Variants in METTL15 observed in about 807,000 individuals in gnomAD.
METTL15 encodes methyltransferase 15, mitochondrial 12S rRNA N4-cytidine, also known as 12S rRNA N(4)-cytidine methyltransferase METTL15.
A neutral mutation model predicts 38.3 loss-of-function variants in METTL15; 34 were observed. The ratio of observed to expected loss-of-function variants is 0.89; its 90% confidence interval spans 0.68 to 1.18. METTL15 has a LOEUF of 1.18. Ranked by LOEUF, METTL15 falls within the 50% of genes most tolerant of loss-of-function variation. The pLI is 0.00. For synonymous variants in METTL15, 162 were observed against 170.9 expected (o/e 0.95, Z 0.41); for missense variants, 438 against 498.4 (o/e 0.88, Z 1.15).
chr11:28,122,363 GTGTGTGTGTATA>G (rs1311869191), intron 3 of METTL15, among the ~76,000 whole-genome samples: 1,145 of 67,844 alleles, frequency 0.017, 21 homozygotes, highest in African/African-American at 0.11. Context: ...GTGTGTGTGT[GTGTGTGTGTATA>G]TATATATATA....
intron 5 of METTL15, among the ~76,000 whole-genome samples, chr11:28,368,153 A>C (rs1234827575): frequency 1.8e-5 from 2 of 114,168 alleles, no homozygotes; most frequent in Admixed American, 7.7e-5. Context: ...CAAAAAAAAC[A>C]AAAAAAAAAA....
chr11:28,293,057 T>C (rs1420776281), intron 5 of METTL15, among the ~76,000 whole-genome samples: 1 of 152,200 alleles, frequency 6.6e-6, no homozygotes, highest in African/African-American at 2.4e-5. Flanking sequence ...CTCTTTAGTT[T>C]AATTAGATCC....
At chr11:28,459,096 T>C (rs139134197) in intron 6 of METTL15, among the ~76,000 whole-genome samples, 28 of 152,302 alleles carry the variant, frequency 1.8e-4, no homozygotes, top group Admixed American at 3.3e-4. Flanking sequence ...TGTACCCTTA[T>C]ATCCTGACAT....
intron 6 of METTL15, among the ~76,000 whole-genome samples, chr11:28,316,760 G>A (rs149353957): frequency 1.4e-3 from 210 of 152,232 alleles, no homozygotes; most frequent in African/African-American, 4.6e-3. Context: ...CTGATAGTGA[G>A]TGGATCTCAT....
chr11:28,492,426 T>TG (rs941062460), intron 6 of METTL15, among the ~76,000 whole-genome samples: 10 of 151,948 alleles, frequency 6.6e-5, no homozygotes, highest in African/African-American at 2.4e-4. Flanking sequence ...TCAGGTCCTG[T>TG]GGGGGGTGGT....
At chr11:28,161,535 G>A (rs1274790969) in intron 3 of METTL15, among the ~76,000 whole-genome samples, 2 of 152,080 alleles carry the variant, frequency 1.3e-5, no homozygotes, top group Non-Finnish European at 2.9e-5. Context: ...ATTAGTTTTT[G>A]ATTTAAGCAA....
At chr11:28,421,255 C>G (rs952637257) in intron 5 of METTL15, among the ~76,000 whole-genome samples, 1 of 151,840 alleles carries the variant, frequency 6.6e-6, no homozygotes, top group African/African-American at 2.4e-5. Flanking sequence ...TAGGTCTTGG[C>G]GGATTCACTG....
intron 5 of METTL15, among the ~76,000 whole-genome samples, chr11:28,362,566 T>G (rs1850149075): frequency 6.6e-6 from 1 of 152,318 alleles, no homozygotes; most frequent in South Asian, 2.1e-4. Context: ...TAGCTCCCAC[T>G]TATAAGTGAC....
At chr11:28,373,744 C>T (rs1329887374) in intron 5 of METTL15, among the ~76,000 whole-genome samples, 1 of 152,020 alleles carries the variant, frequency 6.6e-6, no homozygotes, top group Admixed American at 6.6e-5. Context: ...CTTGCCCGTG[C>T]CTATGTCCTG....
intron 3 of METTL15, among the ~76,000 whole-genome samples, chr11:28,351,500 C>T (rs1850041369): frequency 6.6e-6 from 1 of 152,180 alleles, no homozygotes; most frequent in Non-Finnish European, 1.5e-5. Flanking sequence ...CTCCCTGCCC[C>T]ACATGTCTAT....
chr11:28,167,525 C>T (rs1253620709), intron 3 of METTL15, among the ~76,000 whole-genome samples: 2 of 151,786 alleles, frequency 1.3e-5, no homozygotes, highest in African/African-American at 4.8e-5. Flanking sequence ...TTTAACTGTC[C>T]CTGAGTCTTA....
At chr11:28,183,357 C>G (rs1851367512) in intron 3 of METTL15, among the ~76,000 whole-genome samples, 1 of 152,064 alleles carries the variant, frequency 6.6e-6, no homozygotes, top group South Asian at 2.1e-4. Context: ...GGAATGCTTA[C>G]AGTTTTTGCC....
At chr11:28,224,126 AC>A (rs1853370867) in intron 4 of METTL15, among the ~76,000 whole-genome samples, 1 of 151,988 alleles carries the variant, frequency 6.6e-6, no homozygotes, top group African/African-American at 2.4e-5. Flanking sequence ...CCATAATTTT[AC>A]CACTTTAGGT....
intron 6 of METTL15, among the ~76,000 whole-genome samples, chr11:28,464,181 A>G (rs1263547027): frequency 1.3e-5 from 2 of 152,188 alleles, no homozygotes; most frequent in East Asian, 3.9e-4. Flanking sequence ...CACTATCATC[A>G]TGTGTTTACA....
At chr11:28,222,878 A>C (rs1180288451) in intron 4 of METTL15, among the ~76,000 whole-genome samples, 2 of 152,242 alleles carry the variant, frequency 1.3e-5, no homozygotes, top group Non-Finnish European at 2.9e-5. Flanking sequence ...ATAAGTTCTT[A>C]CAAAACTAGA....
At chr11:28,366,522 A>G (rs976980028) in intron 5 of METTL15, among the ~76,000 whole-genome samples, 15 of 152,198 alleles carry the variant, frequency 9.9e-5, no homozygotes, top group African/African-American at 3.1e-4. Context: ...TACAACTGCC[A>G]TCAATTGAGT....
chr11:28,124,917 C>T (rs1419183435), intron 3 of METTL15, among the ~76,000 whole-genome samples: 5 of 152,022 alleles, frequency 3.3e-5, no homozygotes, highest in Non-Finnish European at 7.4e-5. Flanking sequence ...CTTCTTTGAG[C>T]AATACATATG....
At chr11:28,132,459 A>G (rs1590779289) in intron 3 of METTL15, among the ~76,000 whole-genome samples, 1 of 152,038 alleles carries the variant, frequency 6.6e-6, no homozygotes, top group Admixed American at 6.6e-5. Context: ...CCTTTAATAT[A>G]TTACTTATTC....
At chr11:28,353,921 G>A in intron 4 of METTL15, among the ~76,000 whole-genome samples, 1 of 126,000 alleles carries the variant, frequency 7.9e-6, no homozygotes, top group Non-Finnish European at 1.6e-5. Flanking sequence ...GACAGAGCGA[G>A]ACTCCGTCTC....
Sources: allele counts gnomAD v4.1 joint callset (sites outside exome capture counted in the v4.1 genomes callset), GRCh38; gene constraint gnomAD v4.1.1; transcripts MANE v1.5; gene names NCBI Gene and HGNC (gene_info 2026-07-23, HGNC 2026-07-21).